TMC2: variants seen among roughly 807,000 people sequenced by gnomAD.
TMC2 encodes the protein transmembrane channel like 2, also known as transmembrane channel-like protein 2.
In TMC2, 102 loss-of-function variants were observed where a neutral mutation model predicts 105.9. That is an observed-to-expected ratio of 0.96 (90% CI 0.82 to 1.14). TMC2 has a LOEUF of 1.14. TMC2 is among the 50% of genes most tolerant of loss of function. TMC2 has a pLI of 0.00. For missense variants in TMC2, 1,093 were observed against 1,134.3 expected, an observed-to-expected ratio of 0.96 and a Z score of 0.52; for synonymous variants, 402 against 422.8, an observed-to-expected ratio of 0.95 and a Z score of 0.60.
intron 16 of TMC2, among the ~76,000 whole-genome samples, chr20:2,619,775 G>C (rs2086511694): frequency 6.6e-6 from 1 of 152,218 alleles, no homozygotes; most frequent in Non-Finnish European, 1.5e-5. Flanking sequence ...CCTAAGCAAG[G>C]TTTGGAGGGC....
Position 2,540,037 on chromosome 20 carries a change from C to G in TMC2, c.82+2721C>G, listed in dbSNP as rs2085879154. On this transcript the variant is annotated intron_variant, in intron 2 of 19. Coordinates refer to ENST00000358864, the MANE Select transcript of TMC2 (RefSeq NM_080751.3). The stretch of plus-strand genomic sequence containing the variant: ...ATGGAGTCTTGCTCTGTTGCCCAGG[C>G]TAGAGTACAGTGATGTGATCTCAGC... 1.4e-5 allele frequency among the ~76,000 whole-genome samples: 2 copies of G among 139,534 alleles called. 1 individual carries two copies. The highest frequency in any genetic ancestry group is 1.6e-4 in the Admixed American group (2 of 12,770). The allele number at this position is 139,534 out of a possible 152,430, so 91.5% of individuals were successfully genotyped here. A position where few individuals can be genotyped will look rare whatever the true frequency, so the allele number is the denominator to read the frequency against.
At chr20:2,595,531 A>T (rs1004305151) in intron 9 of TMC2, among the ~76,000 whole-genome samples, 5 of 151,352 alleles carry the variant, frequency 3.3e-5, no homozygotes, top group African/African-American at 1.2e-4. Context: ...TCTGGCCCCA[A>T]CTCTACTTGT....
At chr20:2,542,698 A>ATTTT (rs34716851) in intron 2 of TMC2, among the ~76,000 whole-genome samples, 1 of 135,852 alleles carries the variant, frequency 7.4e-6, no homozygotes, top group Non-Finnish European at 1.6e-5. Flanking sequence ...TTAGTCCACA[A>ATTTT]TTTTTTTTTT....
At chr20:2,604,524 C>G (rs186564087) in intron 11 of TMC2, among the ~76,000 whole-genome samples, 175 of 152,194 alleles carry the variant, frequency 1.1e-3, no homozygotes, top group African/African-American at 4.0e-3. Context: ...TGGTCTGCTC[C>G]CAGTTTCTGG....
In TMC2 at chr20:2,627,987, G is replaced by T. The variant is rs1390294850; in HGVS notation, c.2306+3591G>T. On this transcript the variant is annotated intron_variant, in intron 17 of 19. Coordinates refer to ENST00000358864, the MANE Select transcript of TMC2 (RefSeq NM_080751.3). ...GTTTGAGACCAGCCTGGCCGGCATG[G>T]TGAAACCCCATGTCTACTAAAAATA... Among the ~76,000 whole-genome samples, 6 of 152,204 alleles carry T rather than the reference G, an allele frequency of 3.9e-5. No individual in the cohort carries two copies. In the East Asian group the frequency reaches 1.2e-3, roughly 29 times the overall value.
rs983817349 is a variant in TMC2, at chr20:2,592,058, A to G, written c.835-252A>G. ...TCCCAGCTACTCGGGAGACTGAGGC[A>G]GGAGAATCACTTGAACCTGGGAGGC... On this transcript the variant is annotated intron_variant, in intron 7 of 19. Coordinates refer to ENST00000358864, the MANE Select transcript of TMC2 (RefSeq NM_080751.3). This position sits in a 1 kb window ranked among gnomAD's most constrained non-coding sequence, Gnocchi z 4.9. Among the ~76,000 whole-genome samples, 12 of 152,242 alleles carry G rather than the reference A, an allele frequency of 7.9e-5. No homozygotes were observed. The highest frequency in any genetic ancestry group is 2.9e-4 in the African/African-American group (12 of 41,474).
chr20:2,613,455 A>T, intron 14 of TMC2, 133 bp downstream of exon 14: 1 of 1,328,488 alleles, frequency 7.5e-7, no homozygotes. Context: ...GTAGAGTAGT[A>T]AAGTGTTTAA....
intron 2 of TMC2, among the ~76,000 whole-genome samples, chr20:2,552,742 C>T (rs533489538): frequency 2.6e-4 from 40 of 152,176 alleles, no homozygotes; most frequent in Non-Finnish European, 3.8e-4. Flanking sequence ...TCTGGAACTC[C>T]GGACCTCAAC....
intron 10 of TMC2, among the ~76,000 whole-genome samples, chr20:2,600,511 C>G (rs1408977266): frequency 2.6e-5 from 4 of 152,070 alleles, no homozygotes; most frequent in Non-Finnish European, 1.5e-5. Context: ...AACCCTGCCT[C>G]TACTAAAGAT....
rs552800428 is a variant in TMC2 at position 2,558,864 on chromosome 20, C to A, written c.401+90C>A. ...CTTCCCCCGTGAGGGACTGATGCCCCCCTCCCCGGGGAGAGGCAGCCCGTG... is the reference window on the plus strand; with the variant it reads ...CTTCCCCCGTGAGGGACTGATGCCCACCTCCCCGGGGAGAGGCAGCCCGTG... On this transcript the variant is annotated intron_variant, in intron 3 of 19. Coordinates refer to ENST00000358864, the MANE Select transcript of TMC2 (RefSeq NM_080751.3). The surrounding 1 kb of genome is among the most constrained non-coding windows in gnomAD (Gnocchi z 4.6). The A allele has an allele frequency of 2.2e-6, 3 of 1,345,764 alleles. No individual in the cohort carries two copies. The East Asian group carries it at 7.5e-5, about 34-fold the overall frequency. The allele number at this position is 1,345,764 out of a possible 1,614,324, so 83.4% of individuals were successfully genotyped here.
intron 4 of TMC2, among the ~76,000 whole-genome samples, chr20:2,570,925 G>A (rs1253406545): frequency 6.6e-6 from 1 of 152,152 alleles, no homozygotes; most frequent in East Asian, 1.9e-4. Context: ...AATAAATGGT[G>A]CTGGGATAAC....
chr20:2,588,566 T>G (rs1386447962), intron 7 of TMC2, among the ~76,000 whole-genome samples: 2 of 152,238 alleles, frequency 1.3e-5, no homozygotes, highest in Admixed American at 6.5e-5. Context: ...TTACTAAATC[T>G]TAAACTGTCT....
chr20:2,549,324 G>A (rs1159368791), intron 2 of TMC2, among the ~76,000 whole-genome samples: 1 of 152,140 alleles, frequency 6.6e-6, no homozygotes, highest in East Asian at 1.9e-4. Flanking sequence ...CCAAAGTGCT[G>A]GGATTATAGG....
chr20:2,536,880 T>A (rs2085853130), intron 1 of TMC2, among the ~76,000 whole-genome samples: 1 of 152,118 alleles, frequency 6.6e-6, no homozygotes, highest in African/African-American at 2.4e-5. Context: ...ACTGGAAGGA[T>A]TCAAGACAAC....
At chr20:2,588,959 C>G (rs2086249494) in intron 7 of TMC2, among the ~76,000 whole-genome samples, 1 of 152,104 alleles carries the variant, frequency 6.6e-6, no homozygotes, top group Non-Finnish European at 1.5e-5. Flanking sequence ...TTCCAGTTCT[C>G]TACCAAAATG....
intron 2 of TMC2, among the ~76,000 whole-genome samples, chr20:2,545,896 GAAAGAAAGAAAA>G (rs1481453519): frequency 8.4e-6 from 1 of 118,522 alleles, no homozygotes; most frequent in East Asian, 2.6e-4. Context: ...AGAAATGAAA[GAAAGAAAGAAAA>G]AAAGAAAGAA....
Position 2,613,318 on chromosome 20 carries a change from G to T in TMC2, c.1868G>T (p.Gly623Val). The T allele has an allele frequency of 1.2e-6, 2 of 1,614,100 alleles. No individual in the cohort carries two copies. The change falls in exon 14 of 20, where the codon GGA becomes GTA. Residue 623 changes from glycine to valine, a missense_variant. Coordinates refer to ENST00000358864, the MANE Select transcript of TMC2 (RefSeq NM_080751.3). Reference sequence around the variant, plus strand: ...TGCTGGTGCTGGGACTTGGAGGCTGGATTTGTAGGTCACCACTTCATGGAC... The same window carrying T: ...TGCTGGTGCTGGGACTTGGAGGCTGTATTTGTAGGTCACCACTTCATGGAC... Reference protein sequence around the residue: ...NYCWCWDLEAGFPSYAEFDIS... With the variant: ...NYCWCWDLEAVFPSYAEFDIS...
intron 17 of TMC2, among the ~76,000 whole-genome samples, chr20:2,624,618 G>A (rs2086551280): frequency 6.6e-6 from 1 of 152,208 alleles, no homozygotes; most frequent in South Asian, 2.1e-4. Flanking sequence ...AATTCTGGGA[G>A]GCAGTGTGCC....
chr20:2,593,071 C>T lies in TMC2; in HGVS notation c.933+663C>T, dbSNP rs542131387. On this transcript the variant is annotated intron_variant, in intron 8 of 19. Coordinates refer to ENST00000358864, the MANE Select transcript of TMC2 (RefSeq NM_080751.3). Reference sequence around the variant, plus strand: ...TAAATAAATGGGTTTAATTGGTTCACAGTTCCGCATGGCTGGGGAGGCCTC... The same window carrying T: ...TAAATAAATGGGTTTAATTGGTTCATAGTTCCGCATGGCTGGGGAGGCCTC... Among the ~76,000 whole-genome samples the T allele has an allele frequency of 2.4e-3, 365 of 152,322 alleles. 2 individuals carry two copies. Among genetic ancestry groups the T allele is most frequent in the African/African-American group, 8.5e-3 (355 of 41,566 alleles).
Sources: allele counts gnomAD v4.1 joint callset (sites outside exome capture counted in the v4.1 genomes callset), GRCh38; gene constraint gnomAD v4.1.1; non-coding constraint Gnocchi (gnomAD v3.1); transcripts MANE v1.5; gene names NCBI Gene and HGNC (gene_info 2026-07-23, HGNC 2026-07-21).